REL: variants seen among roughly 807,000 people sequenced by gnomAD.
The protein encoded by REL is proto-oncogene c-Rel.
REL carries 15 observed loss-of-function variants against 45.9 expected under a neutral mutation model. The ratio of observed to expected loss-of-function variants is 0.33; its 90% confidence interval spans 0.22 to 0.50. The LOEUF (loss-of-function observed/expected upper bound fraction) is 0.50. REL is among the 20% of genes least tolerant of loss of function. The pLI, the probability that REL is intolerant of heterozygous loss-of-function variation, is 0.98. For synonymous variants in REL, 239 were observed against 242.1 expected (o/e 0.99, Z 0.12); for missense variants, 601 against 715.2 (o/e 0.84, Z 1.82).
Position 60,927,680 on chromosome 2 carries a change from A to T in REL, c.*5145A>T. The T allele has an allele frequency of 4.4e-6, 1 of 229,730 alleles. No homozygotes were observed. Among genetic ancestry groups the T allele is most frequent in the East Asian group, 6.2e-5 (1 of 16,158 alleles). 14.2% of individuals were successfully genotyped at this position (229,730 alleles called of 1,614,324 possible). A position where few individuals can be genotyped will look rare whatever the true frequency, so the allele number is the denominator to read the frequency against. ...TGGAAATTATACAGAGGTGAATAAG[A>T]CAAAAACTCTTGCTCTCAAAGATGT... On this transcript the variant is annotated 3_prime_UTR_variant, in exon 10 of 10. Transcript: ENST00000394479.
rs1674381289 is a variant in REL, at chr2:60,931,515, C to A, written c.*8980C>A. ...CAAGATACAGTTGTTTTTAAAATGCCAAAATGCTGTTTATTATACAGAATA... is the reference window on the plus strand; with the variant it reads ...CAAGATACAGTTGTTTTTAAAATGCAAAAATGCTGTTTATTATACAGAATA... On this transcript the variant is annotated 3_prime_UTR_variant, in exon 10 of 10. Transcript: ENST00000394479. 1 of 152,068 alleles carries A rather than the reference C, an allele frequency of 6.6e-6. No homozygotes were observed. The highest frequency in any genetic ancestry group is 2.1e-4 in the South Asian group (1 of 4,820). The allele number at this position is 152,068 out of a possible 1,614,324, so 9.4% of individuals were successfully genotyped here. A position where few individuals can be genotyped will look rare whatever the true frequency, so the allele number is the denominator to read the frequency against.
At chr2:60,898,857 C>G (rs984691141) in intron 3 of REL, 2 of 152,150 alleles carry the variant, frequency 1.3e-5, no homozygotes, top group East Asian at 3.8e-4. Flanking sequence ...ATTGTATATC[C>G]CCATTACTTT....
Position 60,901,148 on chromosome 2 carries a change from C to CCCTTTTTTTTTTTTTTTTTTTTTTTT in REL, c.394+65_394+66insCCTTTTTTTTTTTTTTTTTTTTTTTT, listed in dbSNP as rs755936187. ...GTTGATTTCTGTTTCTTTTTTCTTT[C>CCCTTTTTTTTTTTTTTTTTTTTTTTT]TCTTTTTTTTTTTTTTTTTTTTTTT... On this transcript the variant is annotated intron_variant, in intron 4 of 9. Coordinates refer to ENST00000394479, the MANE Select transcript of REL (RefSeq NM_001291746.2). 2 of 832,874 alleles carry CCCTTTTTTTTTTTTTTTTTTTTTTTT rather than the reference C, an allele frequency of 2.4e-6. 1 individual carries two copies. Among genetic ancestry groups the CCCTTTTTTTTTTTTTTTTTTTTTTTT allele is most frequent in the Non-Finnish European group, 3.0e-6 (2 of 657,950 alleles). The allele number at this position is 832,874 out of a possible 1,614,324, so 51.6% of individuals were successfully genotyped here.
At chr2:60,906,909 A>ATATATATATG (rs1673672467) in intron 4 of REL, among the ~76,000 whole-genome samples, 1 of 97,492 alleles carries the variant, frequency 1.0e-5, no homozygotes, top group East Asian at 2.2e-4. Context: ...ATATATATAT[A>ATATATATATG]TATATTTTTT....
intron 4 of REL, among the ~76,000 whole-genome samples, chr2:60,912,666 C>T (rs1260578929): frequency 6.6e-6 from 1 of 151,880 alleles, no homozygotes; most frequent in African/African-American, 2.4e-5. Flanking sequence ...TTCTTCTAAG[C>T]TATAAAAGAC....
intron 4 of REL, among the ~76,000 whole-genome samples, chr2:60,904,220 G>A (rs1344902774): frequency 6.6e-6 from 1 of 151,074 alleles, no homozygotes; most frequent in East Asian, 2.0e-4. Context: ...GACCAACATG[G>A]TGAAACCTTG....
At chr2:60,907,816 G>A (rs749871482) in intron 4 of REL, among the ~76,000 whole-genome samples, 5 of 151,300 alleles carry the variant, frequency 3.3e-5, no homozygotes, top group Non-Finnish European at 5.9e-5. Flanking sequence ...TCAGCCTCCC[G>A]AGTAGCTAGG....
At chr2:60,921,158 C>CT (rs1234038810) in intron 9 of REL, among the ~76,000 whole-genome samples, 2 of 149,990 alleles carry the variant, frequency 1.3e-5, no homozygotes, top group Non-Finnish European at 3.0e-5. Context: ...TAGAAGAAGT[C>CT]TTTTTTCCCC....
In REL at chr2:60,924,126, C is replaced by T. The variant is rs1046396932; in HGVS notation, c.*1591C>T. The T allele has an allele frequency of 2.6e-5, 6 of 231,342 alleles. No individual in the cohort carries two copies. In the Admixed American group the frequency reaches 2.8e-4, roughly 11 times the overall value. The allele number at this position is 231,342 out of a possible 1,614,324, so 14.3% of individuals were successfully genotyped here. ...CAGAAAAATGCATAGTTCACTCTTA[C>T]ATCCTTCAGGTGTCACTCCACTGTT... On this transcript the variant is annotated 3_prime_UTR_variant, in exon 10 of 10. Coordinates refer to ENST00000394479, the MANE Select transcript of REL (RefSeq NM_001291746.2).
chr2:60,919,244 G>GT (rs895955846), intron 7 of REL, among the ~76,000 whole-genome samples: 2 of 151,440 alleles, frequency 1.3e-5, no homozygotes, highest in African/African-American at 4.8e-5. Flanking sequence ...CTTGTTTTGG[G>GT]TTTTTTTTGA....
rs1263248741 is a variant in REL, at chr2:60,922,610, GA to G, written c.*76del. The G allele has an allele frequency of 4.6e-5, 66 of 1,429,234 alleles. No homozygotes were observed. Among genetic ancestry groups the G allele is most frequent in the Non-Finnish European group, 3.4e-5 (37 of 1,084,774 alleles). 88.5% of individuals were successfully genotyped at this position (1,429,234 alleles called of 1,614,324 possible). A position where few individuals can be genotyped will look rare whatever the true frequency, so the allele number is the denominator to read the frequency against. Reference sequence around the variant, plus strand: ...AGCATTTTGTATTTGTCTAACTGGGGATATAATACTATATTTATACTGTATA... The same window carrying G: ...AGCATTTTGTATTTGTCTAACTGGGGTATAATACTATATTTATACTGTATA... On this transcript the variant is annotated 3_prime_UTR_variant, in exon 10 of 10. Coordinates refer to ENST00000394479, the MANE Select transcript of REL (RefSeq NM_001291746.2).
rs1175808998 is a variant in REL, at chr2:60,929,819, TAAAAA to T, written c.*7286_*7290del. 1 of 150,280 alleles carries T rather than the reference TAAAAA, an allele frequency of 6.7e-6. No homozygotes were observed. Among genetic ancestry groups the T allele is most frequent in the Non-Finnish European group, 1.5e-5 (1 of 67,352 alleles). 9.3% of individuals were successfully genotyped at this position (150,280 alleles called of 1,614,324 possible). A position where few individuals can be genotyped will look rare whatever the true frequency, so the allele number is the denominator to read the frequency against. ...ATGTACCCTAAAGCTTAAAGTATAA[TAAAAA>T]ATAAATAAATAAATAAATAAGAAAA... On this transcript the variant is annotated 3_prime_UTR_variant, in exon 10 of 10. Coordinates refer to ENST00000394479, the MANE Select transcript of REL (RefSeq NM_001291746.2).
rs867024263 is a variant in REL, at chr2:60,891,959, T to C, written c.153+134T>C. The C allele has an allele frequency of 4.5e-5, 36 of 794,812 alleles. No individual in the cohort carries two copies. The Middle Eastern group carries it at 2.8e-3, about 62-fold the overall frequency. The allele number at this position is 794,812 out of a possible 1,614,324, so 49.2% of individuals were successfully genotyped here. On this transcript the variant is annotated intron_variant, in intron 2 of 9. Transcript: ENST00000394479. The stretch of plus-strand genomic sequence containing the variant: ...CTTTTTCTTTTTTCCTTTTTTTTTT[T>C]AAACGGATCTGTCAAAAAGACATCT...
Position 60,891,800 on chromosome 2 carries a change from A to G in REL, c.128A>G (p.Asn43Ser). The G allele has an allele frequency of 2.5e-6, 4 of 1,613,804 alleles. No individual in the cohort carries two copies. Among genetic ancestry groups the G allele is most frequent in the Non-Finnish European group, 1.7e-6 (2 of 1,179,840 alleles). ...GSIPGEHSTD[N>S]NRTYPSIQIM... ...ATTCCAGGGGAGCACAGCACAGACAACAACCGAACATACCCTTCTATCCAG... is the reference window on the plus strand; with the variant it reads ...ATTCCAGGGGAGCACAGCACAGACAGCAACCGAACATACCCTTCTATCCAG... Residue 43 changes from asparagine (N) to serine (S), a missense_variant, in exon 2 of 10, where the codon AAC becomes AGC. Coordinates refer to ENST00000394479, the MANE Select transcript of REL (RefSeq NM_001291746.2).
chr2:60,890,793 C>G (rs1319062517), intron 1 of REL, among the ~76,000 whole-genome samples: 3 of 152,284 alleles, frequency 2.0e-5, no homozygotes, highest in Admixed American at 2.0e-4. Flanking sequence ...CCTGCCTTTC[C>G]TATCCACCAT....
intron 3 of REL, among the ~76,000 whole-genome samples, chr2:60,896,153 G>A (rs1195131579): frequency 6.6e-6 from 1 of 151,756 alleles, no homozygotes; most frequent in East Asian, 1.9e-4. Flanking sequence ...ACAGGCATGT[G>A]CCACCATGCC....
At chr2:60,918,747 T>C in intron 7 of REL, 141 bp downstream of exon 7, 1 of 656,424 alleles carries the variant, frequency 1.5e-6, no homozygotes. Context: ...GTTGGTTTTT[T>C]CTTTATGCTC....
chr2:60,894,569 T>G, intron 3 of REL, 24 bp downstream of exon 3: 1 of 1,525,608 alleles, frequency 6.6e-7, no homozygotes, highest in South Asian at 1.3e-5. Context: ...TACAGACATC[T>G]TCAGAAATAA....
chr2:60,910,334 G>A (rs1017902430), intron 4 of REL, among the ~76,000 whole-genome samples: 9 of 151,648 alleles, frequency 5.9e-5, no homozygotes, highest in Non-Finnish European at 7.4e-5. Context: ...GCATGGTGGC[G>A]GGCGCCTGTA....
Sources: allele counts gnomAD v4.1 joint callset (sites outside exome capture counted in the v4.1 genomes callset), GRCh38; gene constraint gnomAD v4.1.1; transcripts MANE v1.5; gene names NCBI Gene and HGNC (gene_info 2026-07-23, HGNC 2026-07-21).